Variants in R3HCC1L observed in about 807,000 individuals in gnomAD.
The protein encoded by R3HCC1L is coiled-coil domain-containing protein R3HCC1L.
A neutral mutation model predicts 59.9 loss-of-function variants in R3HCC1L; 51 were observed. That is an observed-to-expected ratio of 0.85 (90% CI 0.68 to 1.07). The LOEUF (loss-of-function observed/expected upper bound fraction) is 1.07. R3HCC1L is among the 50% of genes least tolerant of loss of function. The pLI is 0.00. For missense variants in R3HCC1L, 965 were observed against 933.0 expected (o/e 1.03, Z -0.45); for synonymous variants, 322 against 315.2 (o/e 1.02, Z -0.23).
At chr10:98,204,690 ACTTTGAGAGACCACATTCACG>A (rs756349266) in intron 4 of R3HCC1L, among the ~76,000 whole-genome samples, 34 of 152,126 alleles carry the variant, frequency 2.2e-4, no homozygotes, top group Middle Eastern at 3.2e-3. Flanking sequence ...ACTATAATAT[ACTTTGAGAGACCACATTCACG>A]TAACTTTTAT....
chr10:98,199,460 A>G (rs1053370638), intron 4 of R3HCC1L, among the ~76,000 whole-genome samples: 2 of 152,002 alleles, frequency 1.3e-5, no homozygotes, highest in African/African-American at 4.8e-5. Context: ...TTTTAATTAC[A>G]AGAATACTGC....
Position 98,197,750 on chromosome 10 carries a change from A to G in R3HCC1L, c.-14-10351A>G, listed in dbSNP as rs140497158. Among the ~76,000 whole-genome samples, 896 of 152,350 alleles carry G rather than the reference A, an allele frequency of 5.9e-3. 5 individuals are homozygous for G. Among genetic ancestry groups the G allele is most frequent in the African/African-American group, 0.021 (859 of 41,574 alleles). Reference sequence around the variant, plus strand: ...AGAGAGGCAGATGTGCAAACAAGTAACTATAAAGCAGTATGATAATTGCTT... The same window carrying G: ...AGAGAGGCAGATGTGCAAACAAGTAGCTATAAAGCAGTATGATAATTGCTT... On this transcript the variant is annotated intron_variant, in intron 4 of 9. Coordinates refer to ENST00000298999, the MANE Select transcript of R3HCC1L (RefSeq NM_001351015.2).
intron 8 of R3HCC1L, among the ~76,000 whole-genome samples, chr10:98,235,731 G>A (rs1007477416): frequency 8.5e-5 from 13 of 152,340 alleles, no homozygotes; most frequent in African/African-American, 2.6e-4. Context: ...AGAACTAACT[G>A]CAGGCAATGC....
Position 98,208,888 on chromosome 10 carries a change from T to A in R3HCC1L, c.774T>A (p.Asn258Lys). 1 of 1,614,122 alleles carries A rather than the reference T, an allele frequency of 6.2e-7. No individual in the cohort carries two copies. The highest frequency in any genetic ancestry group is 8.5e-7 in the Non-Finnish European group (1 of 1,180,026). Residue 258 changes from asparagine (N) to lysine (K), a missense_variant, in exon 5 of 10, where the codon AAT becomes AAA. Transcript: ENST00000298999. ...TGCAAACATCAGATGGAATATTGAA[T>A]CCCAGCAGCGGAGGCATCACCACTA... ...QSMQTSDGIL[N>K]PSSGGITTTS...
intron 1 of R3HCC1L, among the ~76,000 whole-genome samples, chr10:98,142,835 T>A (rs367883433): frequency 1.3e-5 from 2 of 152,100 alleles, no homozygotes; most frequent in African/African-American, 4.8e-5. Flanking sequence ...CTCAGGAGGC[T>A]GAGGCAGGAG....
At chr10:98,168,213 A>G (rs186701217) in intron 4 of R3HCC1L, among the ~76,000 whole-genome samples, 119 of 152,258 alleles carry the variant, frequency 7.8e-4, no homozygotes, top group African/African-American at 2.7e-3. Flanking sequence ...TGTATTACAT[A>G]TTATATTGCC....
At position 98,208,086 on chromosome 10, in the gene R3HCC1L, A is replaced by G. The variant is rs1554846505; in HGVS notation, c.-14-15A>G. 1.3e-6 allele frequency: 2 copies of G among 1,567,920 alleles called. No individual in the cohort carries two copies. Among genetic ancestry groups the G allele is most frequent in the Non-Finnish European group, 1.7e-6 (2 of 1,161,680 alleles). ...GTAATTAGTGTCTAATAATTAAATC[A>G]TTCTTCTCTTGCAGATTGTGGTGGT... On this transcript the variant is annotated splice_polypyrimidine_tract_variant and intron_variant, in intron 4 of 9. Transcript: ENST00000298999.
In R3HCC1L at chr10:98,237,250, G is replaced by A. The variant is rs185334697; in HGVS notation, c.2269+1086G>A. Among the ~76,000 whole-genome samples, 161 of 152,238 alleles carry A rather than the reference G, an allele frequency of 1.1e-3. 1 individual carries two copies. The highest frequency in any genetic ancestry group is 0.01 in the Middle Eastern group (3 of 294). On this transcript the variant is annotated intron_variant, in intron 9 of 9. Transcript: ENST00000298999. ...TCCTACAGACTATAGAAACATAACC[G>A]GATTCCTTGGGTTTTTATAGATGGC... is the stretch of plus-strand genomic sequence containing the variant.
intron 2 of R3HCC1L, among the ~76,000 whole-genome samples, chr10:98,158,213 A>G (rs1431581305): frequency 6.6e-6 from 1 of 152,176 alleles, no homozygotes; most frequent in Non-Finnish European, 1.5e-5. Context: ...TTGTGGACGT[A>G]TGTTTAAATG....
chr10:98,200,305 A>G (rs1288910415), intron 4 of R3HCC1L, among the ~76,000 whole-genome samples: 1 of 152,168 alleles, frequency 6.6e-6, no homozygotes, highest in Non-Finnish European at 1.5e-5. Context: ...AAACAAAACC[A>G]GGATACATGG....
At chr10:98,137,094 C>T (rs1428517819) in intron 1 of R3HCC1L, among the ~76,000 whole-genome samples, 1 of 152,028 alleles carries the variant, frequency 6.6e-6, no homozygotes, top group African/African-American at 2.4e-5. Flanking sequence ...GCCTGTAGTC[C>T]CATGTCCTCA....
At chr10:98,212,064 T>C (rs1193718140) in intron 5 of R3HCC1L, among the ~76,000 whole-genome samples, 1 of 152,070 alleles carries the variant, frequency 6.6e-6, no homozygotes, top group African/African-American at 2.4e-5. Context: ...GAGTAGGGTC[T>C]GTGTTGAGGA....
intron 5 of R3HCC1L, among the ~76,000 whole-genome samples, chr10:98,225,299 C>G (rs1212051218): frequency 6.6e-6 from 1 of 152,242 alleles, no homozygotes; most frequent in Non-Finnish European, 1.5e-5. Context: ...CCTCCCCATC[C>G]CTCTTCACAG....
Position 98,224,858 on chromosome 10 carries a change from A to G in R3HCC1L, c.1786-6654A>G, listed in dbSNP as rs760046840. Among the ~76,000 whole-genome samples the G allele has an allele frequency of 1.0e-3, 152 of 152,342 alleles. 1 individual carries two copies. In the Middle Eastern group the frequency reaches 0.017, roughly 17 times the overall value. ...TTTATAGGAGGGATTGCCCAAATAC[A>G]TGTGATTCTTAAGGTAAATGTTTCT... On this transcript the variant is annotated intron_variant, in intron 5 of 9. Transcript: ENST00000298999.
chr10:98,140,639 G>T (rs1845049973), intron 1 of R3HCC1L, among the ~76,000 whole-genome samples: 1 of 152,110 alleles, frequency 6.6e-6, no homozygotes, highest in African/African-American at 2.4e-5. Flanking sequence ...TTGGATTTTT[G>T]TCTGTTATTT....
chr10:98,174,631 G>C (rs1171005340), intron 4 of R3HCC1L: 2 of 985,242 alleles, frequency 2.0e-6, no homozygotes, highest in Non-Finnish European at 2.4e-6. Context: ...ACATTATCAA[G>C]GAGGGCATTT....
chr10:98,238,457 T>G (rs1444856215), intron 9 of R3HCC1L, among the ~76,000 whole-genome samples: 3 of 152,212 alleles, frequency 2.0e-5, no homozygotes, highest in Middle Eastern at 3.2e-3. Flanking sequence ...CTGAAGATTT[T>G]AAGATTAAAA....
chr10:98,215,412 TTATCA>T (rs1854071622), intron 5 of R3HCC1L, among the ~76,000 whole-genome samples: 1 of 152,204 alleles, frequency 6.6e-6, no homozygotes, highest in African/African-American at 2.4e-5. Flanking sequence ...AAATTTTTTT[TTATCA>T]TATTTCATCT....
At position 98,211,500 on chromosome 10, in the gene R3HCC1L, T is replaced by G. The variant is rs139751426; in HGVS notation, c.1785+1601T>G. 3.0e-3 allele frequency among the ~76,000 whole-genome samples: 453 copies of G among 152,202 alleles called. 4 individuals carry two copies. Among genetic ancestry groups the G allele is most frequent in the African/African-American group, 9.2e-3 (384 of 41,532 alleles). On this transcript the variant is annotated intron_variant, in intron 5 of 9. Coordinates refer to ENST00000298999, the MANE Select transcript of R3HCC1L (RefSeq NM_001351015.2). ...GGGAAGCTAGGTGAATATAGAGATG[T>G]TATTAAGAACTAAAGCATTGAGAGA...
Sources: allele counts gnomAD v4.1 joint callset (sites outside exome capture counted in the v4.1 genomes callset), GRCh38; gene constraint gnomAD v4.1.1; transcripts MANE v1.5; gene names NCBI Gene and HGNC (gene_info 2026-07-23, HGNC 2026-07-21).